Variants in SHB observed in about 807,000 individuals in gnomAD.
The protein encoded by SHB is SH2 domain-containing adapter protein B.
SHB carries 20 observed loss-of-function variants against 52.3 expected under a neutral mutation model. The ratio of observed to expected loss-of-function variants is 0.38; its 90% CI spans 0.27 to 0.56. SHB has a LOEUF of 0.56. Among genes scored for constraint, SHB ranks in the 20% least tolerant of loss-of-function variants. The pLI, the probability that SHB is intolerant of heterozygous loss-of-function variation, is 0.71. For missense variants in SHB, 825 were observed against 723.3 expected, an observed-to-expected ratio of 1.14 and a Z score of -1.61; for synonymous variants, 397 against 316.5, an observed-to-expected ratio of 1.25 and a Z score of -2.70.
Position 38,067,917 on chromosome 9 carries a change from G to T in SHB, c.717+12C>A. The T allele has an allele frequency of 1.3e-6, 2 of 1,493,564 alleles. No individual in the cohort carries two copies. The highest frequency in any genetic ancestry group is 1.8e-6 in the Non-Finnish European group (2 of 1,132,482). The allele number at this position is 1,493,564 out of a possible 1,614,324, so 92.5% of individuals were successfully genotyped here. A position where few individuals can be genotyped will look rare whatever the true frequency, so the allele number is the denominator to read the frequency against. ...CTCTGGAACCTCGGGAAGAGGCCAA[G>T]GGGCACCTTACCTTGTCCTTCTTGC... On this transcript the variant is annotated intron_variant, in intron 1 of 5. Coordinates refer to ENST00000377707, the MANE Select transcript of SHB (RefSeq NM_003028.3).
chr9:38,062,426 C>G (rs1821906823), intron 1 of SHB, among the ~76,000 whole-genome samples: 1 of 152,166 alleles, frequency 6.6e-6, no homozygotes, highest in Non-Finnish European at 1.5e-5. Flanking sequence ...TGTGGCTGGC[C>G]TTATGATTTG....
At chr9:37,975,700 A>G (rs1458567063) in intron 2 of SHB, among the ~76,000 whole-genome samples, 1 of 152,204 alleles carries the variant, frequency 6.6e-6, no homozygotes, top group Admixed American at 6.5e-5. Flanking sequence ...TTGATCATGG[A>G]TACTATGTGC....
rs191632055 is a variant in SHB at position 38,011,286 on chromosome 9, A to C, written c.838+4725T>G. ...AGATGATGGGGCATGAAGGGAACCC[A>C]GAAACGCTCTGGTACTTTCTCTTTA... On this transcript the variant is annotated intron_variant, in intron 2 of 5. Coordinates refer to ENST00000377707, the MANE Select transcript of SHB (RefSeq NM_003028.3). Among the ~76,000 whole-genome samples the C allele has an allele frequency of 3.9e-4, 60 of 152,370 alleles. No individual in the cohort carries two copies. The East Asian group carries it at 9.2e-3, about 23-fold the overall frequency.
chr9:38,052,644 C>T (rs1297871855), intron 1 of SHB, among the ~76,000 whole-genome samples: 2 of 152,140 alleles, frequency 1.3e-5, no homozygotes, highest in African/African-American at 4.8e-5. Context: ...CTTAGAGCCT[C>T]CCCACCCCCA....
intron 5 of SHB, among the ~76,000 whole-genome samples, chr9:37,936,465 T>C (rs1205325280): frequency 6.6e-6 from 1 of 152,214 alleles, no homozygotes; most frequent in Non-Finnish European, 1.5e-5. Context: ...TGGCTCATTT[T>C]GCATGTTGTG....
chr9:38,065,786 A>C (rs1370231796), intron 1 of SHB, among the ~76,000 whole-genome samples: 3 of 152,160 alleles, frequency 2.0e-5, no homozygotes, highest in Non-Finnish European at 4.4e-5. Flanking sequence ...CTTAGCCTAC[A>C]AGGTCCTCCC....
At chr9:37,979,798 A>G (rs1371713029) in intron 2 of SHB, among the ~76,000 whole-genome samples, 1 of 152,088 alleles carries the variant, frequency 6.6e-6, no homozygotes, top group Admixed American at 6.6e-5. Context: ...CTCTACTAAT[A>G]ATACAAAAAT....
rs945088218 is a variant in SHB, at chr9:37,917,149, T to C, written c.*2672A>G. On this transcript the variant is annotated 3_prime_UTR_variant, in exon 6 of 6. Transcript: ENST00000377707. ...CAATTGTTAGATGTCCAAGAAAACA[T>C]GAATACAGGCTGACACAGGAAACGG... is the stretch of plus-strand genomic sequence containing the variant. Among the ~76,000 whole-genome samples, 1 of 151,720 alleles carries C rather than the reference T, an allele frequency of 6.6e-6. No homozygotes were observed. Among genetic ancestry groups the C allele is most frequent in the South Asian group, 2.1e-4 (1 of 4,808 alleles).
chr9:37,955,068 A>C (rs372315330), intron 4 of SHB, among the ~76,000 whole-genome samples: 25 of 152,288 alleles, frequency 1.6e-4, no homozygotes, highest in African/African-American at 5.8e-4. Flanking sequence ...GCCTCGCCCA[A>C]CTCTAACAGT....
At chr9:37,977,255 T>C (rs1453850520) in intron 2 of SHB, among the ~76,000 whole-genome samples, 1 of 152,206 alleles carries the variant, frequency 6.6e-6, no homozygotes, top group African/African-American at 2.4e-5. Context: ...TAGGTGCTGA[T>C]GCCTGCTGGG....
At chr9:37,989,422 G>A (rs1198005154) in intron 2 of SHB, among the ~76,000 whole-genome samples, 1 of 152,154 alleles carries the variant, frequency 6.6e-6, no homozygotes, top group African/African-American at 2.4e-5. Flanking sequence ...ATGAGCCCAA[G>A]GATCTTGGTG....
At chr9:38,029,717 C>A (rs1254652443) in intron 1 of SHB, among the ~76,000 whole-genome samples, 1 of 152,166 alleles carries the variant, frequency 6.6e-6, no homozygotes, top group Non-Finnish European at 1.5e-5. Context: ...TCTCGAACTC[C>A]TGACCTCAAG....
chr9:37,956,234 C>T (rs754425619), intron 3 of SHB, among the ~76,000 whole-genome samples, 180 bp from the exon 4 acceptor site: 7 of 152,194 alleles, frequency 4.6e-5, no homozygotes, highest in African/African-American at 1.4e-4. Flanking sequence ...AGGACACCCA[C>T]GTGATCACAG....
chr9:37,924,242 AATGTGC>A (rs778653972), intron 5 of SHB, among the ~76,000 whole-genome samples: 17 of 152,158 alleles, frequency 1.1e-4, no homozygotes, highest in Non-Finnish European at 2.4e-4. Flanking sequence ...AGGATTATCA[AATGTGC>A]CGGGCACGCA....
At chr9:38,016,903 C>T (rs531310201) in intron 1 of SHB, among the ~76,000 whole-genome samples, 1 of 152,344 alleles carries the variant, frequency 6.6e-6, no homozygotes, top group East Asian at 1.9e-4. Flanking sequence ...GCCCCTGCCT[C>T]TTCTCCCCAG....
At chr9:38,067,906 G>A in intron 1 of SHB, 23 bp downstream of exon 1, 1 of 1,450,524 alleles carries the variant, frequency 6.9e-7, no homozygotes, top group South Asian at 1.4e-5. Context: ...GGAACCTCGG[G>A]AAGAGGCCAA....
intron 1 of SHB, among the ~76,000 whole-genome samples, chr9:38,035,842 T>C (rs547442058): frequency 1.3e-5 from 2 of 152,238 alleles, no homozygotes; most frequent in South Asian, 2.1e-4. Context: ...ATGCCTAAGT[T>C]TGGCCCCCAG....
At chr9:38,037,159 C>T (rs1270756063) in intron 1 of SHB, among the ~76,000 whole-genome samples, 1 of 152,142 alleles carries the variant, frequency 6.6e-6, no homozygotes, top group Non-Finnish European at 1.5e-5. Flanking sequence ...GGAGAAGAAT[C>T]CTGCGATCTC....
chr9:37,956,061 GGA>G lies in SHB; in HGVS notation c.1055-9_1055-8del, dbSNP rs1257895508. The G allele has an allele frequency of 9.6e-6, 15 of 1,554,682 alleles. No individual in the cohort carries two copies. The highest frequency in any genetic ancestry group is 3.6e-5 in the South Asian group (3 of 84,308). ...TCGTTGCCATTAAACTGTGCTGTGG[GGA>G]GAGAGAGAAAGTGCAGGGTTAGCAG... is the stretch of plus-strand genomic sequence containing the variant. On this transcript the variant is annotated splice_region_variant and splice_polypyrimidine_tract_variant and intron_variant, in intron 3 of 5. Transcript: ENST00000377707.
Sources: allele counts gnomAD v4.1 joint callset (sites outside exome capture counted in the v4.1 genomes callset), GRCh38; gene constraint gnomAD v4.1.1; transcripts MANE v1.5; gene names NCBI Gene and HGNC (gene_info 2026-07-23, HGNC 2026-07-21).